Variants in VEPH1 observed in about 807,000 individuals in gnomAD.
The protein encoded by VEPH1 is ventricular zone expressed PH domain containing 1, also known as ventricular zone-expressed PH domain-containing protein homolog 1.
A neutral mutation model predicts 85.2 loss-of-function variants in VEPH1; 80 were observed. The ratio of observed to expected loss-of-function variants is 0.94; its 90% CI spans 0.78 to 1.13. The LOEUF (loss-of-function observed/expected upper bound fraction) is 1.13, where lower values mean the gene tolerates loss of function less well. VEPH1 is among the 50% of genes most tolerant of loss of function. The pLI, the probability that VEPH1 is intolerant of heterozygous loss-of-function variation, is 0.00. For missense variants in VEPH1, 955 were observed against 980.5 expected (o/e 0.97, Z 0.35); for synonymous variants, 297 against 348.0 (o/e 0.85, Z 1.63).
At chr3:157,428,049 C>T (rs953000458) in intron 5 of VEPH1, among the ~76,000 whole-genome samples, 1 of 152,230 alleles carries the variant, frequency 6.6e-6, no homozygotes, top group African/African-American at 2.4e-5. Context: ...GCCATCAGCT[C>T]TCCAATTCTC....
chr3:157,461,341 C>T (rs1735849551), intron 3 of VEPH1, among the ~76,000 whole-genome samples: 1 of 152,042 alleles, frequency 6.6e-6, no homozygotes, highest in South Asian at 2.1e-4. Flanking sequence ...GCCATCAACC[C>T]CACCTCTCAG....
At position 157,481,135 on chromosome 3, in the gene VEPH1, A is replaced by G. The variant is rs556330737; in HGVS notation, c.139-10606T>C. 2.0e-5 allele frequency among the ~76,000 whole-genome samples: 3 copies of G among 152,098 alleles called. No individual in the cohort carries two copies. The East Asian group carries it at 5.8e-4, about 29-fold the overall frequency. On this transcript the variant is annotated intron_variant, in intron 2 of 13. Coordinates refer to ENST00000362010, the MANE Select transcript of VEPH1 (RefSeq NM_001167912.2). Reference sequence around the variant, plus strand: ...GTTCATGTCCTTTGCCCACTTTTTAATGGGACTAATTGTTTTTTGCATGTC... The same window carrying G: ...GTTCATGTCCTTTGCCCACTTTTTAGTGGGACTAATTGTTTTTTGCATGTC...
chr3:157,314,168 T>C (rs1720456882), intron 10 of VEPH1, among the ~76,000 whole-genome samples: 1 of 151,170 alleles, frequency 6.6e-6, no homozygotes, highest in Non-Finnish European at 1.5e-5. Context: ...CCGTCTCTAC[T>C]AAAAATAAAA....
intron 4 of VEPH1, among the ~76,000 whole-genome samples, chr3:157,450,575 T>C (rs1734891808): frequency 6.6e-6 from 1 of 150,652 alleles, no homozygotes; most frequent in South Asian, 2.1e-4. Flanking sequence ...TAGTGAAATA[T>C]ATATATATAT....
chr3:157,454,234 T>C (rs1308711428), intron 4 of VEPH1, among the ~76,000 whole-genome samples: 1 of 152,118 alleles, frequency 6.6e-6, no homozygotes, highest in Admixed American at 6.5e-5. Context: ...ATATTACATA[T>C]AAAGTGAAAT....
intron 2 of VEPH1, among the ~76,000 whole-genome samples, chr3:157,477,457 C>T (rs984830744): frequency 6.6e-6 from 1 of 152,032 alleles, no homozygotes; most frequent in African/African-American, 2.4e-5. Flanking sequence ...ATTACATTCA[C>T]AGGTTCTGGG....
chr3:157,397,374 G>C (rs1730480138), intron 6 of VEPH1, among the ~76,000 whole-genome samples: 1 of 152,138 alleles, frequency 6.6e-6, no homozygotes, highest in African/African-American at 2.4e-5. Flanking sequence ...GATTCCTCCA[G>C]CTTTATTCTT....
In VEPH1 at chr3:157,260,963, G is replaced by A. The variant is rs1712803076; in HGVS notation, c.*171C>T. 1.2e-6 allele frequency: 1 copy of A among 824,718 alleles called. No homozygotes were observed. The highest frequency in any genetic ancestry group is 1.9e-6 in the Non-Finnish European group (1 of 530,482). The allele number at this position is 824,718 out of a possible 1,614,324, so 51.1% of individuals were successfully genotyped here. A position where few individuals can be genotyped will look rare whatever the true frequency, so the allele number is the denominator to read the frequency against. On this transcript the variant is annotated 3_prime_UTR_variant, in exon 14 of 14. Coordinates refer to ENST00000362010, the MANE Select transcript of VEPH1 (RefSeq NM_001167912.2). ...GTCAATACTAAAGCTGTTAGAGTAT[G>A]ACATTTACTAAGAATCCTGCCATTT...
At chr3:157,494,933 C>T (rs182811658) in intron 2 of VEPH1, among the ~76,000 whole-genome samples, 16 of 152,084 alleles carry the variant, frequency 1.1e-4, no homozygotes, top group Non-Finnish European at 2.2e-4. Flanking sequence ...AAAATAGCCC[C>T]TAAATAATAT....
intron 4 of VEPH1, among the ~76,000 whole-genome samples, chr3:157,428,890 C>A (rs1489753198): frequency 1.3e-5 from 2 of 151,884 alleles, no homozygotes; most frequent in East Asian, 3.9e-4. Context: ...TGAAACTGAA[C>A]AACAAAAAAA....
intron 9 of VEPH1, among the ~76,000 whole-genome samples, chr3:157,355,560 G>T (rs573140293): frequency 2.6e-5 from 4 of 152,312 alleles, no homozygotes; most frequent in African/African-American, 9.6e-5. Flanking sequence ...GTGCGTTGAG[G>T]CTTAGAAATC....
rs1293275251 is a variant in VEPH1 at position 157,438,031 on chromosome 3, G to A, written c.530-9543C>T. Reference sequence around the variant, plus strand: ...AAGCTTTCATGGGAAGCGCGCGCGCGCGCGCGCACACACACACACACACAC... The same window carrying A: ...AAGCTTTCATGGGAAGCGCGCGCGCACGCGCGCACACACACACACACACAC... On this transcript the variant is annotated intron_variant, in intron 4 of 13. Transcript: ENST00000362010. 116 of 820,254 alleles carry A rather than the reference G, an allele frequency of 1.4e-4. No individual in the cohort carries two copies. In the African/African-American group the frequency reaches 2.0e-3, roughly 14 times the overall value. 50.8% of individuals were successfully genotyped at this position (820,254 alleles called of 1,614,324 possible).
At chr3:157,479,717 C>T (rs1415213270) in intron 2 of VEPH1, among the ~76,000 whole-genome samples, 1 of 152,200 alleles carries the variant, frequency 6.6e-6, no homozygotes, top group Non-Finnish European at 1.5e-5. Context: ...TCTGCTTTTA[C>T]CAGCTCTTCA....
intron 2 of VEPH1, among the ~76,000 whole-genome samples, chr3:157,479,304 T>C (rs1172939745): frequency 3.3e-5 from 5 of 152,210 alleles, no homozygotes; most frequent in African/African-American, 9.6e-5. Flanking sequence ...CTAGCCATTG[T>C]CAATTTTAAA....
intron 6 of VEPH1, among the ~76,000 whole-genome samples, chr3:157,397,423 G>C (rs1353616348): frequency 1.3e-5 from 2 of 152,016 alleles, no homozygotes; most frequent in Non-Finnish European, 1.5e-5. Context: ...GCTCTTTTTT[G>C]GTTCCATATG....
intron 4 of VEPH1, among the ~76,000 whole-genome samples, chr3:157,440,967 A>G (rs1211893888): frequency 6.6e-6 from 1 of 152,348 alleles, no homozygotes; most frequent in Admixed American, 6.5e-5. Context: ...TGGACAAGGT[A>G]GAATTTTTAA....
chr3:157,371,125 T>G (rs771348636), intron 7 of VEPH1, among the ~76,000 whole-genome samples: 1 of 152,206 alleles, frequency 6.6e-6, no homozygotes, highest in Non-Finnish European at 1.5e-5. Flanking sequence ...CTAGAAGATA[T>G]GCTTTTCCTG....
Position 157,442,235 on chromosome 3 carries a change from T to TC in VEPH1, c.530-13748dup, listed in dbSNP as rs1734180235. The TC allele has an allele frequency of 8.3e-6, 7 of 846,038 alleles. No individual in the cohort carries two copies. The Admixed American group carries it at 9.0e-5, about 11-fold the overall frequency. 52.4% of individuals were successfully genotyped at this position (846,038 alleles called of 1,614,324 possible). ...GAGATTACAGTGGAAGCTTCTTAAG[T>TC]CGTAATGTAGGGTTTCACATAGCTT... On this transcript the variant is annotated intron_variant, in intron 4 of 13. Transcript: ENST00000362010.
At position 157,441,637 on chromosome 3, in the gene VEPH1, G is replaced by A. The variant is rs536444946; in HGVS notation, c.530-13149C>T. 1.1e-3 allele frequency among the ~76,000 whole-genome samples: 163 copies of A among 151,818 alleles called. 2 individuals are homozygous for A. The South Asian group carries it at 0.032, about 30-fold the overall frequency. ...AACCTGGCCAACATGGTGAAACCCC[G>A]TGTCTAAAAAAAAAATACAATAGTT... On this transcript the variant is annotated intron_variant, in intron 4 of 13. Transcript: ENST00000362010.
Sources: gnomAD v4.1 joint callset for allele counts (sites outside exome capture counted in the v4.1 genomes callset) on GRCh38, gnomAD v4.1.1 for gene constraint, MANE v1.5 for transcripts, NCBI Gene and HGNC (gene_info 2026-07-23, HGNC 2026-07-21) for gene names.